RAB27A: variants seen among roughly 807,000 people sequenced by gnomAD.
RAB27A encodes the protein RAB27A, member RAS oncogene family, also known as ras-related protein Rab-27A.
RAB27A carries 17 observed loss-of-function variants against 20.8 expected under a neutral mutation model. The observed-to-expected ratio is 0.82, with a 90% CI of 0.56 to 1.23. The LOEUF is 1.23. RAB27A is among the 50% of genes most tolerant of loss of function. The pLI is 0.00. For synonymous variants in RAB27A, 85 were observed against 92.8 expected, an observed-to-expected ratio of 0.92 and a Z score of 0.48; for missense variants, 277 against 266.7, an observed-to-expected ratio of 1.04 and a Z score of -0.27.
intron 2 of RAB27A, among the ~76,000 whole-genome samples, chr15:55,311,502 G>A (rs1595757727): frequency 6.6e-6 from 1 of 152,234 alleles, no homozygotes; most frequent in Non-Finnish European, 1.5e-5. Context: ...AAGGAGTCGA[G>A]GGGACGCTGG....
intron 1 of RAB27A, among the ~76,000 whole-genome samples, chr15:55,285,070 T>A (rs969273145): frequency 2.6e-5 from 4 of 152,196 alleles, no homozygotes; most frequent in African/African-American, 9.7e-5. Context: ...GCATTTTGGA[T>A]AAAGAACAAT....
chr15:55,214,371 G>C (rs1427474862), intron 6 of RAB27A, among the ~76,000 whole-genome samples: 1 of 152,210 alleles, frequency 6.6e-6, no homozygotes, highest in Non-Finnish European at 1.5e-5. Context: ...AGGAGGTGGA[G>C]CTTGCTGTGA....
chr15:55,287,655 G>A (rs1404734563), intron 1 of RAB27A, among the ~76,000 whole-genome samples: 1 of 152,024 alleles, frequency 6.6e-6, no homozygotes, highest in African/African-American at 2.4e-5. Flanking sequence ...GATGAGGCAG[G>A]AGAATCACTT....
intron 5 of RAB27A, among the ~76,000 whole-genome samples, chr15:55,226,064 A>C (rs993203632): frequency 6.6e-6 from 1 of 152,184 alleles, no homozygotes; most frequent in Non-Finnish European, 1.5e-5. Flanking sequence ...AAAATATGTA[A>C]AATATATACT....
At chr15:55,303,841 G>A (rs2054986210) in intron 2 of RAB27A, among the ~76,000 whole-genome samples, 1 of 136,632 alleles carries the variant, frequency 7.3e-6, no homozygotes, top group South Asian at 2.5e-4. Flanking sequence ...GGAGGTGGGG[G>A]GGGTCAGCCC....
intron 1 of RAB27A, among the ~76,000 whole-genome samples, chr15:55,276,949 A>G (rs1335259833): frequency 1.3e-5 from 2 of 152,194 alleles, no homozygotes; most frequent in Admixed American, 1.3e-4. Flanking sequence ...ATCAAGATGT[A>G]TACATTAAAT....
intron 4 of RAB27A, among the ~76,000 whole-genome samples, chr15:55,229,859 G>A (rs1345881840): frequency 2.0e-5 from 3 of 152,066 alleles, no homozygotes; most frequent in African/African-American, 7.2e-5. Flanking sequence ...GGGTACATAG[G>A]TTTATCATAT....
At chr15:55,303,258 TG>T (rs1244895435) in intron 2 of RAB27A, among the ~76,000 whole-genome samples, 214 of 58,420 alleles carry the variant, frequency 3.7e-3, no homozygotes, top group African/African-American at 0.016. Context: ...GGGAGGGAGG[TG>T]GGGGGGTCAG....
chr15:55,280,253 G>A (rs1897980079), intron 1 of RAB27A, among the ~76,000 whole-genome samples: 1 of 151,962 alleles, frequency 6.6e-6, no homozygotes, highest in South Asian at 2.1e-4. Context: ...AGGGAGATTT[G>A]AGTTCTATCT....
At chr15:55,265,227 G>C (rs1283072193) in intron 2 of RAB27A, among the ~76,000 whole-genome samples, 3 of 151,888 alleles carry the variant, frequency 2.0e-5, no homozygotes, top group Non-Finnish European at 2.9e-5. Flanking sequence ...GGCGACAAGA[G>C]TAAAACTCTG....
Position 55,203,470 on chromosome 15 carries a change from A to C in RAB27A, c.*2037T>G, listed in dbSNP as rs916328047. 2.1e-5 allele frequency: 3 copies of C among 140,862 alleles called. No individual in the cohort carries two copies. The highest frequency in any genetic ancestry group is 4.5e-5 in the Non-Finnish European group (3 of 66,710). The allele number at this position is 140,862 out of a possible 1,614,324, so 8.7% of individuals were successfully genotyped here. ...TCCTCTGTCGCCCAGGCTGGAGTGC[A>C]GTGGCGCAATCTCGGCTCACTGCAA... On this transcript the variant is annotated 3_prime_UTR_variant, in exon 7 of 7. Transcript: ENST00000336787.
intron 3 of RAB27A, among the ~76,000 whole-genome samples, chr15:55,231,319 G>C (rs945723754): frequency 6.6e-6 from 1 of 151,986 alleles, no homozygotes; most frequent in African/African-American, 2.4e-5. Context: ...ATTTTCCCTT[G>C]TCCCATCCCA....
At chr15:55,253,035 G>A (rs532697971) in intron 2 of RAB27A, among the ~76,000 whole-genome samples, 1 of 152,200 alleles carries the variant, frequency 6.6e-6, no homozygotes, top group East Asian at 1.9e-4. Flanking sequence ...AGGAGGCTGA[G>A]GCAGTAGAAT....
intron 1 of RAB27A, among the ~76,000 whole-genome samples, chr15:55,276,168 GT>G (rs1897869429): frequency 6.6e-6 from 1 of 152,124 alleles, no homozygotes. Flanking sequence ...GTACTCCCAT[GT>G]TCACTGCAGC....
chr15:55,299,909 C>G (rs1265137976), intron 2 of RAB27A, among the ~76,000 whole-genome samples: 2 of 151,642 alleles, frequency 1.3e-5, no homozygotes, highest in East Asian at 3.9e-4. Flanking sequence ...CAAGCTCCGC[C>G]TCCTGGGTTC....
chr15:55,210,466 A>T (rs1357140054), intron 6 of RAB27A, among the ~76,000 whole-genome samples: 1 of 148,732 alleles, frequency 6.7e-6, no homozygotes, highest in Non-Finnish European at 1.5e-5. Flanking sequence ...GATAAAAGTC[A>T]TGTTAACTGG....
intron 6 of RAB27A, among the ~76,000 whole-genome samples, chr15:55,209,910 G>A (rs142775817): frequency 0.073 from 6,184 of 85,160 alleles, 1,967 homozygotes; most frequent in African/African-American, 0.39. Context: ...ATATGTGTGT[G>A]TATGTATATA....
intron 1 of RAB27A, among the ~76,000 whole-genome samples, chr15:55,318,292 T>C (rs1215155739): frequency 4.0e-5 from 6 of 149,278 alleles, no homozygotes; most frequent in African/African-American, 1.2e-4. Flanking sequence ...AGAGACGGGG[T>C]TTCACCGTGT....
chr15:55,234,850 A>G lies in RAB27A; in HGVS notation c.85T>C (p.Tyr29His), dbSNP rs139145499. The G allele has an allele frequency of 2.5e-6, 4 of 1,610,786 alleles. No homozygotes were observed. Among genetic ancestry groups the G allele is most frequent in the Non-Finnish European group, 3.4e-6 (4 of 1,177,380 alleles). The change falls in exon 3 of 7, where the codon TAT (tyrosine) becomes CAT (histidine). Residue 29 changes from tyrosine to histidine, a missense_variant. Tyr to His is a moderately conservative substitution (Grantham distance 83, BLOSUM62 2). Coordinates refer to ENST00000336787, the MANE Select transcript of RAB27A (RefSeq NM_183235.3). ...TTGGAGTTAAATTTACCATCTGTAT[A>G]TTGGTAAAGTACACTGGTCTTCCCT... Reference protein sequence around the residue: ...GVGKTSVLYQYTDGKFNSKFI... With the variant: ...GVGKTSVLYQHTDGKFNSKFI...
Sources: gnomAD v4.1 joint callset for allele counts (sites outside exome capture counted in the v4.1 genomes callset) on GRCh38, gnomAD v4.1.1 for gene constraint, MANE v1.5 for transcripts, NCBI Gene and HGNC (gene_info 2026-07-23, HGNC 2026-07-21) for gene names.